RPS6KB2: variants seen among roughly 807,000 people sequenced by gnomAD.
The protein encoded by RPS6KB2 is ribosomal protein S6 kinase B2, also known as ribosomal protein S6 kinase beta-2.
In RPS6KB2, 51 loss-of-function variants were observed where a neutral mutation model predicts 58.2. The ratio of observed to expected loss-of-function variants is 0.88; its 90% confidence interval spans 0.70 to 1.11. The LOEUF (loss-of-function observed/expected upper bound fraction) is 1.11, where lower values mean the gene tolerates loss of function less well. Among genes scored for constraint, RPS6KB2 ranks in the 50% least tolerant of loss-of-function variants. The pLI, the probability that RPS6KB2 is intolerant of heterozygous loss-of-function variation, is 0.00. For missense variants in RPS6KB2, 671 were observed against 655.8 expected (o/e 1.02, Z -0.25); for synonymous variants, 293 against 258.6 (o/e 1.13, Z -1.28).
At chr11:67,430,323 C>CT (rs1863980974) in intron 4 of RPS6KB2, 1 of 152,110 alleles carries the variant, frequency 6.6e-6, no homozygotes, top group African/African-American at 2.4e-5. Flanking sequence ...GAGTCTCACT[C>CT]TGTCACTCAG....
In RPS6KB2 at chr11:67,433,374, T is replaced by A; in HGVS notation, c.833T>A (p.Met278Lys). The A allele has an allele frequency of 6.2e-7, 1 of 1,613,886 alleles. No homozygotes were observed. Among genetic ancestry groups the A allele is most frequent in the Non-Finnish European group, 8.5e-7 (1 of 1,179,938 alleles). The change falls in exon 10 of 15, where the codon ATG becomes AAG. Residue 278 changes from methionine (M) to lysine (K), a missense_variant. By Grantham distance (95) the Met-to-Lys change is moderately conservative. Coordinates refer to ENST00000312629, the MANE Select transcript of RPS6KB2 (RefSeq NM_003952.3). Reference sequence around the variant, plus strand: ...ACCGCAGAGAACCGGAAGAAAACCATGGATAAGATCATCAGGGGCAAGCTG... The same window carrying A: ...ACCGCAGAGAACCGGAAGAAAACCAAGGATAAGATCATCAGGGGCAAGCTG... Reference protein sequence around the residue: ...PFTAENRKKTMDKIIRGKLAL... With the variant: ...PFTAENRKKTKDKIIRGKLAL...
intron 5 of RPS6KB2, chr11:67,432,223 C>CTCTGT: frequency 2.1e-6 from 1 of 476,862 alleles, no homozygotes; most frequent in Non-Finnish European, 4.1e-6. Flanking sequence ...ACCGCGCTTT[C>CTCTGT]TCTGTTCTGT....
chr11:67,428,899 C>A (rs748489917), intron 1 of RPS6KB2, 83 bp from the exon 2 acceptor site: 75 of 1,534,312 alleles, frequency 4.9e-5, no homozygotes, highest in Non-Finnish European at 6.1e-5. Context: ...ACCCTTCTCT[C>A]CTGGGCCACG....
rs765358313 is a variant in RPS6KB2 at position 67,429,118 on chromosome 11, A to C, written c.120-2A>C. Reference sequence around the variant, plus strand: ...GTCCTCATTAACTCCTTGTGTCCGTAGGCCTGTGGGACACTATGAAGAGGT... The same window carrying C: ...GTCCTCATTAACTCCTTGTGTCCGTCGGCCTGTGGGACACTATGAAGAGGT... On this transcript the variant is annotated splice_acceptor_variant, in intron 2 of 14. Coordinates refer to ENST00000312629, the MANE Select transcript of RPS6KB2 (RefSeq NM_003952.3). LOFTEE classifies it high-confidence loss of function. 2 of 1,613,948 alleles carry C rather than the reference A, an allele frequency of 1.2e-6. No homozygotes were observed. The highest frequency in any genetic ancestry group is 2.2e-5 in the South Asian group (2 of 91,088).
chr11:67,429,723 G>A, intron 4 of RPS6KB2, 128 bp downstream of exon 4: 1 of 755,160 alleles, frequency 1.3e-6, no homozygotes, highest in South Asian at 1.6e-5. Context: ...CTGGTTTATT[G>A]TCTGTTGTGA....
Position 67,429,551 on chromosome 11 carries a change from G to T in RPS6KB2, c.265G>T (p.Gly89Cys). The change falls in exon 4 of 15, where the codon GGC becomes TGC. Residue 89 changes from glycine to cysteine, a missense_variant. Gly to Cys is a radical substitution (Grantham distance 159). Transcript: ENST00000312629. ...GGTGTTCCAGGTGCGAAAGGTGCAA[G>T]GCACCAACTTGGGCAAAATATATGC... Reference protein sequence around the residue: ...GKVFQVRKVQGTNLGKIYAMK... With the variant: ...GKVFQVRKVQCTNLGKIYAMK... The T allele has an allele frequency of 6.2e-7, 1 of 1,613,320 alleles. No homozygotes were observed. Among genetic ancestry groups the T allele is most frequent in the Non-Finnish European group, 8.5e-7 (1 of 1,179,810 alleles).
At chr11:67,433,895 C>A in intron 10 of RPS6KB2, 100 bp from the exon 11 acceptor site, 1 of 1,338,864 alleles carries the variant, frequency 7.5e-7, no homozygotes, top group Non-Finnish European at 1.1e-6. Flanking sequence ...CAAAAGCATT[C>A]TCTCCCATGT....
intron 7 of RPS6KB2, 47 bp downstream of exon 7, chr11:67,432,884 G>A: frequency 6.2e-7 from 1 of 1,608,850 alleles, no homozygotes; most frequent in Non-Finnish European, 8.5e-7. Flanking sequence ...TGCAATCTGT[G>A]GGGAGGGCTG....
At chr11:67,428,852 A>G in intron 1 of RPS6KB2, 130 bp from the exon 2 acceptor site, 1 of 1,165,710 alleles carries the variant, frequency 8.6e-7, no homozygotes, top group Admixed American at 1.9e-5. Context: ...GTTTCTTCCC[A>G]ATTCTTACCC....
rs1262920521 is a variant in RPS6KB2 at position 67,431,377 on chromosome 11, G to T, written c.319G>T (p.Val107Leu). ...ATTCCTGTATCTCCAGGCCAAAATT[G>T]TGCGCAATGCCAAGGACACAGCACA... Reference protein sequence around the residue: ...AMKVLRKAKIVRNAKDTAHTR... With the variant: ...AMKVLRKAKILRNAKDTAHTR... Residue 107 changes from valine (V) to leucine (L), a missense_variant, in exon 5 of 15, where the codon GTG becomes TTG. Transcript: ENST00000312629. 2.5e-6 allele frequency: 4 copies of T among 1,613,724 alleles called. No homozygotes were observed. In the African/African-American group the frequency reaches 5.3e-5, roughly 22 times the overall value.
intron 5 of RPS6KB2, 27 bp downstream of exon 5, chr11:67,431,542 G>T (rs190399190): frequency 6.2e-7 from 1 of 1,607,560 alleles, no homozygotes; most frequent in Non-Finnish European, 8.5e-7. Flanking sequence ...AGGCAGGGGT[G>T]CTGGGGGTCG....
rs1313047450 is a variant in RPS6KB2 at position 67,433,852 on chromosome 11, GC to G, written c.907-140del. 4.7e-5 allele frequency: 42 copies of G among 899,870 alleles called. No homozygotes were observed. In the African/African-American group the frequency reaches 6.3e-4, roughly 13 times the overall value. The allele number at this position is 899,870 out of a possible 1,614,324, so 55.7% of individuals were successfully genotyped here. The stretch of plus-strand genomic sequence containing the variant: ...TGGCTCCATTGACCAAACCTTGAAA[GC>G]CCTGAGGGTATCCATAGGTGGGAGC... On this transcript the variant is annotated intron_variant, in intron 10 of 14. Transcript: ENST00000312629.
Position 67,428,929 on chromosome 11 carries a change from G to A in RPS6KB2, c.79-53G>A, listed in dbSNP as rs775290362. On this transcript the variant is annotated intron_variant, in intron 1 of 14. Transcript: ENST00000312629. ...GCCACGCAGTCCAACCTGAACGGGA[G>A]CGGGGAGGTATCCTGGCACCTTCCT... The A allele has an allele frequency of 2.2e-5, 35 of 1,607,920 alleles. No individual in the cohort carries two copies. The South Asian group carries it at 3.6e-4, about 17-fold the overall frequency.
Position 67,433,413 on chromosome 11 carries a change from A to T in RPS6KB2, c.872A>T (p.Tyr291Phe), listed in dbSNP as rs1490024725. ...IIRGKLALPP[Y>F]LTPDARDLVK... ...AGGGGCAAGCTGGCACTGCCCCCCTACCTCACCCCAGATGCCCGGGACCTT... is the reference window on the plus strand; with the variant it reads ...AGGGGCAAGCTGGCACTGCCCCCCTTCCTCACCCCAGATGCCCGGGACCTT... The change falls in exon 10 of 15, where the codon TAC becomes TTC. Residue 291 changes from tyrosine (Y) to phenylalanine (F), a missense_variant. Tyr to Phe is a conservative substitution (Grantham distance 22, BLOSUM62 3). Transcript: ENST00000312629. The T allele has an allele frequency of 1.2e-6, 2 of 1,613,622 alleles. No homozygotes were observed. Among genetic ancestry groups the T allele is most frequent in the Non-Finnish European group, 1.7e-6 (2 of 1,179,790 alleles).
intron 1 of RPS6KB2, 100 bp downstream of exon 1, chr11:67,428,723 C>G: frequency 8.8e-7 from 1 of 1,142,822 alleles, no homozygotes; most frequent in Non-Finnish European, 1.3e-6. Flanking sequence ...GGCTCCGACT[C>G]TTTGCAGACC....
In RPS6KB2 at chr11:67,431,384, A is replaced by G. The variant is rs201805471; in HGVS notation, c.326A>G (p.Asn109Ser). 546 of 1,613,844 alleles carry G rather than the reference A, an allele frequency of 3.4e-4. No individual in the cohort carries two copies. The highest frequency in any genetic ancestry group is 2.2e-4 in the Admixed American group (13 of 59,988). The change falls in exon 5 of 15, where the codon AAT becomes AGT. Residue 109 changes from asparagine to serine, a missense_variant. Asn to Ser is a conservative substitution (Grantham distance 46). Transcript: ENST00000312629. ...KVLRKAKIVR[N>S]AKDTAHTRAE... ...TATCTCCAGGCCAAAATTGTGCGCA[A>G]TGCCAAGGACACAGCACACACACGG...
intron 5 of RPS6KB2, 122 bp from the exon 6 acceptor site, chr11:67,432,478 A>G (rs758544988): frequency 1.5e-5 from 15 of 1,008,086 alleles, no homozygotes; most frequent in Non-Finnish European, 2.3e-5. Context: ...TCCCCACGGC[A>G]GCTCTGTGAG....
intron 4 of RPS6KB2, 46 bp downstream of exon 4, chr11:67,429,641 C>T (rs772459215): frequency 1.2e-5 from 17 of 1,451,128 alleles, no homozygotes; most frequent in Non-Finnish European, 1.3e-5. Flanking sequence ...CTGCCATTCC[C>T]AACATGCTGT....
In RPS6KB2 at chr11:67,435,238, G is replaced by C. The variant is rs1260256371; in HGVS notation, c.*69G>C. Reference sequence around the variant, plus strand: ...CGGCTGTGAGAGCAGCAGGACCCTGGGCCAGTTCCAGAGACCTGGGGGTGT... The same window carrying C: ...CGGCTGTGAGAGCAGCAGGACCCTGCGCCAGTTCCAGAGACCTGGGGGTGT... On this transcript the variant is annotated 3_prime_UTR_variant, in exon 15 of 15. Coordinates refer to ENST00000312629, the MANE Select transcript of RPS6KB2 (RefSeq NM_003952.3). 13 of 1,376,264 alleles carry C rather than the reference G, an allele frequency of 9.4e-6. No homozygotes were observed. Among genetic ancestry groups the C allele is most frequent in the Non-Finnish European group, 1.3e-5 (13 of 1,035,942 alleles). 85.3% of individuals were successfully genotyped at this position (1,376,264 alleles called of 1,614,324 possible).
Sources: allele counts gnomAD v4.1 joint callset, GRCh38; gene constraint gnomAD v4.1.1; transcripts MANE v1.5; gene names NCBI Gene and HGNC (gene_info 2026-07-23, HGNC 2026-07-21).